FRYL: variants seen among roughly 807,000 people sequenced by gnomAD.
The protein encoded by FRYL is FRY like transcription coactivator, also known as protein furry homolog-like.
FRYL carries 150 observed loss-of-function variants against 351.2 expected under a neutral mutation model. That is an observed-to-expected ratio of 0.43 (90% CI 0.37 to 0.49). The LOEUF is 0.49. Among genes scored for constraint, FRYL ranks in the 20% least tolerant of loss-of-function variants. The pLI, the probability that FRYL is intolerant of heterozygous loss-of-function variation, is 0.00. For synonymous variants in FRYL, 1,153 were observed against 1,257.1 expected (o/e 0.92, Z 1.75); for missense variants, 3,036 against 3,619.3 (o/e 0.84, Z 4.13).
intron 22 of FRYL, among the ~76,000 whole-genome samples, chr4:48,579,806 C>A (rs1466495166): frequency 6.6e-6 from 1 of 152,082 alleles, no homozygotes; most frequent in Non-Finnish European, 1.5e-5. Flanking sequence ...TGGTTAATAT[C>A]TAAAACAAAA....
Position 48,766,527 on chromosome 4 carries a change from A to G in FRYL, c.-384+13551T>C, listed in dbSNP as rs1353935693. 5.3e-5 allele frequency among the ~76,000 whole-genome samples: 8 copies of G among 152,038 alleles called. No individual in the cohort carries two copies. In the East Asian group the frequency reaches 1.5e-3, roughly 29 times the overall value. On this transcript the variant is annotated intron_variant, in intron 1 of 63. Transcript: ENST00000358350. ...TGAGGCTGTTGGCCTTCCCAATATCACCCACTTCCAACCAGCTCTGATCTC... is the reference window on the plus strand; with the variant it reads ...TGAGGCTGTTGGCCTTCCCAATATCGCCCACTTCCAACCAGCTCTGATCTC...
At chr4:48,622,157 T>C (rs572560047) in intron 5 of FRYL, among the ~76,000 whole-genome samples, 3 of 152,190 alleles carry the variant, frequency 2.0e-5, no homozygotes, top group Non-Finnish European at 2.9e-5. Flanking sequence ...ATTAATCATT[T>C]ACAATAAAAA....
At chr4:48,571,011 T>A (rs1507865) in intron 26 of FRYL, 93 bp from the exon 27 acceptor site, 20 of 973,236 alleles carry the variant, frequency 2.1e-5, no homozygotes, top group Non-Finnish European at 3.2e-5. Flanking sequence ...TCTGGGCTCA[T>A]TGAAGTTATT....
chr4:48,708,499 T>C (rs149745045), intron 2 of FRYL, among the ~76,000 whole-genome samples: 123 of 152,170 alleles, frequency 8.1e-4, no homozygotes, highest in African/African-American at 2.9e-3. Context: ...CATTTACCCT[T>C]GGGCCCTGCA....
intron 1 of FRYL, among the ~76,000 whole-genome samples, chr4:48,743,987 CT>C (rs1468113176): frequency 6.6e-5 from 10 of 152,214 alleles, no homozygotes; most frequent in South Asian, 2.1e-4. Flanking sequence ...TGTGTGTGCA[CT>C]GCACACATAC....
intron 1 of FRYL, among the ~76,000 whole-genome samples, chr4:48,726,089 AG>A (rs1049649623): frequency 1.3e-5 from 2 of 152,202 alleles, no homozygotes; most frequent in Non-Finnish European, 2.9e-5. Context: ...AAGATGTGAA[AG>A]GCAAAACTAC....
chr4:48,501,485 A>G, intron 62 of FRYL, 138 bp downstream of exon 62: 1 of 639,900 alleles, frequency 1.6e-6, no homozygotes, highest in South Asian at 1.7e-5. Context: ...ATCATTAAAA[A>G]ACAAATTATT....
intron 3 of FRYL, among the ~76,000 whole-genome samples, chr4:48,663,637 T>C (rs1451281397): frequency 1.3e-5 from 2 of 151,108 alleles, no homozygotes; most frequent in African/African-American, 2.4e-5. Flanking sequence ...TAGCCGGGCG[T>C]GGTAGCGGGC....
At chr4:48,521,453 A>T (rs1403966079) in intron 54 of FRYL, among the ~76,000 whole-genome samples, 1 of 152,226 alleles carries the variant, frequency 6.6e-6, no homozygotes, top group East Asian at 1.9e-4. Flanking sequence ...AAAAACTATC[A>T]AAGTGGAAGA....
intron 2 of FRYL, among the ~76,000 whole-genome samples, chr4:48,708,833 A>C (rs1767677144): frequency 6.6e-6 from 1 of 151,284 alleles, no homozygotes; most frequent in African/African-American, 2.4e-5. Flanking sequence ...GCCTCAGGTC[A>C]TCCTCCCACC....
At chr4:48,631,769 T>C (rs1461109414) in intron 4 of FRYL, among the ~76,000 whole-genome samples, 1 of 151,768 alleles carries the variant, frequency 6.6e-6, no homozygotes, top group Non-Finnish European at 1.5e-5. Flanking sequence ...AAGTTTGGAA[T>C]GAGAATATAT....
intron 1 of FRYL, among the ~76,000 whole-genome samples, chr4:48,732,636 T>G (rs1292350589): frequency 6.6e-6 from 1 of 152,048 alleles, no homozygotes; most frequent in Non-Finnish European, 1.5e-5. Context: ...GGGACATGGA[T>G]GAAGCTGGAA....
intron 5 of FRYL, 93 bp from the exon 6 acceptor site, chr4:48,620,871 C>T: frequency 1.8e-6 from 2 of 1,082,776 alleles, no homozygotes; most frequent in Non-Finnish European, 2.7e-6. Flanking sequence ...AATGAATAAA[C>T]ACAGTAACTC....
chr4:48,571,956 C>T (rs944304145), intron 26 of FRYL: 2 of 985,192 alleles, frequency 2.0e-6, no homozygotes, highest in African/African-American at 3.5e-5. Context: ...ATTTCTCTAA[C>T]AAGTCATCCA....
chr4:48,639,570 A>G (rs1754926466), intron 3 of FRYL, among the ~76,000 whole-genome samples: 1 of 152,090 alleles, frequency 6.6e-6, no homozygotes, highest in Non-Finnish European at 1.5e-5. Flanking sequence ...TGAAATGAAA[A>G]CTATTAAACC....
At chr4:48,655,674 G>GTATTATATAATGTATA (rs1270295576) in intron 3 of FRYL, among the ~76,000 whole-genome samples, 4 of 145,384 alleles carry the variant, frequency 2.8e-5, no homozygotes, top group South Asian at 2.1e-4. Flanking sequence ...AATGTATAAT[G>GTATTATATAATGTATA]TATTATATAA....
chr4:48,535,348 C>T (rs1728635959), intron 48 of FRYL, among the ~76,000 whole-genome samples: 1 of 151,796 alleles, frequency 6.6e-6, no homozygotes, highest in African/African-American at 2.4e-5. Context: ...TTTCATGTCA[C>T]TTAAGGACAG....
chr4:48,596,657 G>C (rs1042923956), intron 13 of FRYL, among the ~76,000 whole-genome samples: 5 of 151,956 alleles, frequency 3.3e-5, no homozygotes, highest in African/African-American at 1.2e-4. Flanking sequence ...ACAGTACCTG[G>C]CATGTATTAA....
At chr4:48,626,744 G>A (rs1259174294) in intron 4 of FRYL, among the ~76,000 whole-genome samples, 1 of 152,004 alleles carries the variant, frequency 6.6e-6, no homozygotes, top group Admixed American at 6.6e-5. Context: ...AAATAAACAA[G>A]AAATATATAG....
Sources: gnomAD v4.1 joint callset for allele counts (sites outside exome capture counted in the v4.1 genomes callset) on GRCh38, gnomAD v4.1.1 for gene constraint, MANE v1.5 for transcripts, NCBI Gene and HGNC (gene_info 2026-07-23, HGNC 2026-07-21) for gene names.